FOXO3: variants seen among roughly 807,000 people sequenced by gnomAD.
FOXO3 encodes forkhead box protein O3.
In FOXO3, 4 loss-of-function variants were observed where a neutral mutation model predicts 41.9. The observed-to-expected ratio is 0.10, with a 90% confidence interval of 0.05 to 0.22. The LOEUF is 0.22. Ranked by LOEUF, FOXO3 falls within the 10% of genes least tolerant of loss-of-function variation. The probability of loss-of-function intolerance (pLI) is 1.00; values close to 1 mark genes in which losing one functional copy is unlikely to be tolerated. For missense variants in FOXO3, 534 were observed against 906.8 expected (o/e 0.59, Z 5.28); for synonymous variants, 318 against 389.3 (o/e 0.82, Z 2.16).
At chr6:108,675,605 G>A (rs1012341962) in intron 2 of FOXO3, among the ~76,000 whole-genome samples, 5 of 152,326 alleles carry the variant, frequency 3.3e-5, no homozygotes, top group African/African-American at 1.2e-4. Flanking sequence ...TGCTCTAGGG[G>A]TTGAAAGTTT....
chr6:108,576,007 G>T (rs1463861507), intron 1 of FOXO3, among the ~76,000 whole-genome samples: 1 of 152,072 alleles, frequency 6.6e-6, no homozygotes, highest in Admixed American at 6.6e-5. Context: ...AGTTATCTTC[G>T]AGCTGATGCT....
At position 108,666,416 on chromosome 6, in the gene FOXO3, A is replaced by G. The variant is rs182812510; in HGVS notation, c.*34+1527A>G. On this transcript the variant is annotated intron_variant, in intron 2 of 2. Coordinates refer to ENST00000406360, the MANE Select transcript of FOXO3 (RefSeq NM_001455.4). ...AGTGGCGCGATCTCGGCTCACTGCA[A>G]GCTCCACCTTCCAGGTTCACGCCAT... 7.0e-3 allele frequency among the ~76,000 whole-genome samples: 1,067 copies of G among 151,686 alleles called. 21 individuals carry two copies. The highest frequency in any genetic ancestry group is 0.048 in the South Asian group (232 of 4,790).
intron 1 of FOXO3, among the ~76,000 whole-genome samples, chr6:108,585,256 G>A (rs111670508): frequency 6.6e-6 from 1 of 151,454 alleles, no homozygotes; most frequent in African/African-American, 2.4e-5. Flanking sequence ...CGTTAGCCAG[G>A]ATGGTCTCGA....
At chr6:108,651,678 G>GT (rs1357950709) in intron 1 of FOXO3, among the ~76,000 whole-genome samples, 6 of 152,192 alleles carry the variant, frequency 3.9e-5, no homozygotes, top group Non-Finnish European at 7.3e-5. Flanking sequence ...CTCTCAAGCT[G>GT]TTTAACTCAC....
chr6:108,663,523 G>A lies in FOXO3; in HGVS notation c.690G>A (p.Lys230=). ...GGGTCCAGAATGAGGGAACTGGCAA[G>A]AGCTCTTGGTGGATCATCAACCCTG... is the stretch of plus-strand genomic sequence containing the variant. ...FMRVQNEGTG[K]SSWWIINPDG... Residue 230 remains lysine, a synonymous_variant, in exon 2 of 3, where the codon AAG becomes AAA. Coordinates refer to ENST00000406360, the MANE Select transcript of FOXO3 (RefSeq NM_001455.4). The A allele has an allele frequency of 6.2e-7, 1 of 1,612,714 alleles. No homozygotes were observed.
intron 1 of FOXO3, among the ~76,000 whole-genome samples, chr6:108,592,925 A>T (rs1201830236): frequency 6.6e-6 from 1 of 152,138 alleles, no homozygotes; most frequent in Non-Finnish European, 1.5e-5. Context: ...TCTTTATCTC[A>T]ATCCTGTTAT....
rs560757312 is a variant in FOXO3, at chr6:108,638,247, GGC to G, written c.622-25207_622-25206del. Among the ~76,000 whole-genome samples, 113 of 152,302 alleles carry G rather than the reference GGC, an allele frequency of 7.4e-4. 1 individual carries two copies. Among genetic ancestry groups the G allele is most frequent in the African/African-American group, 2.6e-3 (108 of 41,558 alleles). Reference sequence around the variant, plus strand: ...AAACCCCACAGACTCTTGGTAGGGGGGCCTGAGGGCCCTGGACCTTGTGTCCC... The same window carrying G: ...AAACCCCACAGACTCTTGGTAGGGGGCTGAGGGCCCTGGACCTTGTGTCCC... On this transcript the variant is annotated intron_variant, in intron 1 of 2. Transcript: ENST00000406360.
chr6:108,669,004 C>T (rs191550813), intron 2 of FOXO3, among the ~76,000 whole-genome samples: 5,531 of 152,060 alleles, frequency 0.036, 134 homozygotes, highest in Non-Finnish European at 0.051. Context: ...CCCAGCTACT[C>T]GGAGAGGCTG....
intron 1 of FOXO3, among the ~76,000 whole-genome samples, chr6:108,563,881 T>C (rs1230562447): frequency 6.6e-6 from 1 of 152,076 alleles, no homozygotes. Context: ...TTCATATAGT[T>C]TGTAGGACTT....
chr6:108,604,200 T>G (rs1324195496), intron 1 of FOXO3, among the ~76,000 whole-genome samples: 1 of 152,200 alleles, frequency 6.6e-6, no homozygotes, highest in Admixed American at 6.5e-5. Flanking sequence ...AAGATTTTTA[T>G]GTAGATATTT....
intron 1 of FOXO3, among the ~76,000 whole-genome samples, chr6:108,640,127 A>G (rs1020281025): frequency 7.2e-5 from 11 of 152,236 alleles, no homozygotes; most frequent in Non-Finnish European, 1.3e-4. Flanking sequence ...AGTAGGTTTC[A>G]CATCAGAATT....
At chr6:108,592,145 A>G (rs1776746987) in intron 1 of FOXO3, among the ~76,000 whole-genome samples, 1 of 152,216 alleles carries the variant, frequency 6.6e-6, no homozygotes, top group South Asian at 2.1e-4. Flanking sequence ...GTTGACTGCA[A>G]AAGGGCAGAA....
intron 1 of FOXO3, among the ~76,000 whole-genome samples, chr6:108,583,590 A>C (rs1230569234): frequency 6.6e-6 from 1 of 152,186 alleles, no homozygotes. Flanking sequence ...TGTTTGGTAC[A>C]CTTGGATATC....
At chr6:108,587,512 T>C (rs1776613051) in intron 1 of FOXO3, among the ~76,000 whole-genome samples, 1 of 152,192 alleles carries the variant, frequency 6.6e-6, no homozygotes, top group Admixed American at 6.5e-5. Flanking sequence ...CAAAAATATA[T>C]ATATGTGTAT....
chr6:108,562,378 T>C (rs1459182453), intron 1 of FOXO3, among the ~76,000 whole-genome samples: 1 of 152,100 alleles, frequency 6.6e-6, no homozygotes, highest in Non-Finnish European at 1.5e-5. Context: ...TCGATCCGAT[T>C]AGAAAAAGCA....
chr6:108,634,445 C>T (rs1778060279), intron 1 of FOXO3, among the ~76,000 whole-genome samples: 1 of 152,130 alleles, frequency 6.6e-6, no homozygotes, highest in Non-Finnish European at 1.5e-5. Context: ...AAAGGAGAAA[C>T]TCACACTCAG....
intron 1 of FOXO3, among the ~76,000 whole-genome samples, chr6:108,594,283 A>AG (rs1776813467): frequency 6.6e-6 from 1 of 152,224 alleles, no homozygotes; most frequent in Non-Finnish European, 1.5e-5. Context: ...ATAACTTTAG[A>AG]GAAAAAAAGG....
intron 1 of FOXO3, among the ~76,000 whole-genome samples, chr6:108,662,539 G>C (rs1282514629): frequency 6.6e-6 from 1 of 152,172 alleles, no homozygotes; most frequent in African/African-American, 2.4e-5. Flanking sequence ...CACTTCTTAT[G>C]TCTGCAAGAG....
chr6:108,583,346 G>A lies in FOXO3; in HGVS notation c.621+21517G>A, dbSNP rs983285592. Among the ~76,000 whole-genome samples the A allele has an allele frequency of 7.9e-5, 12 of 152,208 alleles. No homozygotes were observed. The East Asian group carries it at 2.3e-3, about 29-fold the overall frequency. On this transcript the variant is annotated intron_variant, in intron 1 of 2. Coordinates refer to ENST00000406360, the MANE Select transcript of FOXO3 (RefSeq NM_001455.4). The stretch of plus-strand genomic sequence containing the variant: ...GAACCTTGAAGAAGGATTGCCCGGT[G>A]GTAGCCCTATTATCCAGAGTGATGG...
Sources: allele counts gnomAD v4.1 joint callset (sites outside exome capture counted in the v4.1 genomes callset), GRCh38; gene constraint gnomAD v4.1.1; transcripts MANE v1.5; gene names NCBI Gene and HGNC (gene_info 2026-07-23, HGNC 2026-07-21).